Variants in HIKESHI observed in about 807,000 individuals in gnomAD.
The protein encoded by HIKESHI is protein Hikeshi.
In HIKESHI, 13 loss-of-function variants were observed where a neutral mutation model predicts 25.7. The observed-to-expected ratio is 0.51, with a 90% CI of 0.33 to 0.80. The LOEUF (loss-of-function observed/expected upper bound fraction) is 0.80. Ranked by LOEUF, HIKESHI falls within the 30% of genes least tolerant of loss-of-function variation. The pLI is 0.02. For synonymous variants in HIKESHI, 76 were observed against 78.7 expected (o/e 0.97, Z 0.18); for missense variants, 174 against 229.5 (o/e 0.76, Z 1.56).
rs1205684592 is a variant in HIKESHI at position 86,318,633 on chromosome 11, G to C, written c.268+12151G>C. 2.0e-5 allele frequency among the ~76,000 whole-genome samples: 3 copies of C among 151,918 alleles called. No homozygotes were observed. In the East Asian group the frequency reaches 5.8e-4, roughly 29 times the overall value. On this transcript the variant is annotated intron_variant, in intron 2 of 4. Transcript: ENST00000278483. ...ATCTAGTACCTTAAATAGTTACAAA[G>C]TAAATTGAAGTTATTTAAAAAATTT...
rs185850913 is a variant in HIKESHI at position 86,309,392 on chromosome 11, C to T, written c.268+2910C>T. On this transcript the variant is annotated intron_variant, in intron 2 of 4. Coordinates refer to ENST00000278483, the MANE Select transcript of HIKESHI (RefSeq NM_016401.4). ...CTTTTGAGAAGTGTGTGTTCATATC[C>T]GTTGTCCACTTTTTGATGGGGCTGT... is the stretch of plus-strand genomic sequence containing the variant. Among the ~76,000 whole-genome samples the T allele has an allele frequency of 1.8e-3, 276 of 152,220 alleles. 1 individual carries two copies. Among genetic ancestry groups the T allele is most frequent in the African/African-American group, 6.5e-3 (268 of 41,518 alleles).
chr11:86,337,727 G>A (rs560866469), intron 3 of HIKESHI, among the ~76,000 whole-genome samples, 197 bp downstream of exon 3: 29 of 152,126 alleles, frequency 1.9e-4, no homozygotes, highest in African/African-American at 6.3e-4. Context: ...GCGCAATCTC[G>A]GCTGACTGCA....
Position 86,302,289 on chromosome 11 carries a change from G to T in HIKESHI, c.-160G>T. ...GGAAGAGAAGGTCAGAGTTCGCGGG[G>T]GCAGAGGCATTCTTGCCGCTGGCCC... On this transcript the variant is annotated 5_prime_UTR_variant, in exon 1 of 5. Transcript: ENST00000278483. 1.3e-6 allele frequency: 1 copy of T among 797,776 alleles called. No individual in the cohort carries two copies. The highest frequency in any genetic ancestry group is 2.1e-6 in the Non-Finnish European group (1 of 480,990). The allele number at this position is 797,776 out of a possible 1,614,324, so 49.4% of individuals were successfully genotyped here.
chr11:86,320,724 A>G (rs930060799), intron 2 of HIKESHI, among the ~76,000 whole-genome samples: 1 of 152,246 alleles, frequency 6.6e-6, no homozygotes, highest in Non-Finnish European at 1.5e-5. Flanking sequence ...TGTCACCACA[A>G]TCAATGAATG....
intron 2 of HIKESHI, among the ~76,000 whole-genome samples, chr11:86,322,572 T>C (rs185810510): frequency 2.0e-5 from 3 of 152,294 alleles, no homozygotes; most frequent in Non-Finnish European, 4.4e-5. Context: ...TTTTGTTTTT[T>C]CCCATCCCCT....
rs1207051886 is a variant in HIKESHI at position 86,307,385 on chromosome 11, ATAT to A, written c.268+907_268+909del. ...TGTGTAATATACATTATATATCAATATATTATGTGTAATATACATTATATATCA... is the reference window on the plus strand; with the variant it reads ...TGTGTAATATACATTATATATCAATATATGTGTAATATACATTATATATCA... On this transcript the variant is annotated intron_variant, in intron 2 of 4. Transcript: ENST00000278483. Among the ~76,000 whole-genome samples the A allele has an allele frequency of 5.8e-4, 66 of 114,354 alleles. 1 individual carries two copies. Among genetic ancestry groups the A allele is most frequent in the African/African-American group, 2.4e-3 (65 of 26,598 alleles). The allele number at this position is 114,354 out of a possible 152,430, so 75.0% of individuals were successfully genotyped here.
At chr11:86,338,296 A>C (rs1329797989) in intron 3 of HIKESHI, among the ~76,000 whole-genome samples, 1 of 152,080 alleles carries the variant, frequency 6.6e-6, no homozygotes, top group Admixed American at 6.6e-5. Context: ...TCTGTTCCTG[A>C]CTTCTTAGCC....
At chr11:86,320,051 TTCTC>T (rs1182251610) in intron 2 of HIKESHI, among the ~76,000 whole-genome samples, 1 of 152,224 alleles carries the variant, frequency 6.6e-6, no homozygotes, top group African/African-American at 2.4e-5. Flanking sequence ...GCTTCATTCT[TTCTC>T]TTTATGTATG....
intron 4 of HIKESHI, chr11:86,345,248 C>A: frequency 2.1e-6 from 1 of 482,844 alleles, no homozygotes; most frequent in Non-Finnish European, 2.9e-6. Flanking sequence ...AAATTTCTCT[C>A]ATCTGCTCAT....
At chr11:86,332,828 A>C (rs1326294016) in intron 2 of HIKESHI, among the ~76,000 whole-genome samples, 2 of 152,252 alleles carry the variant, frequency 1.3e-5, no homozygotes, top group African/African-American at 2.4e-5. Context: ...CACGTCATAC[A>C]AAATAGGTTG....
chr11:86,310,052 C>A (rs1946791682), intron 2 of HIKESHI, among the ~76,000 whole-genome samples: 1 of 148,348 alleles, frequency 6.7e-6, no homozygotes, highest in South Asian at 2.2e-4. Flanking sequence ...AATGCAGGCT[C>A]TTTTTTGGTT....
intron 3 of HIKESHI, among the ~76,000 whole-genome samples, chr11:86,338,714 G>A (rs1367235492): frequency 6.6e-6 from 1 of 152,116 alleles, no homozygotes; most frequent in Non-Finnish European, 1.5e-5. Context: ...ACTGAATTGA[G>A]AATGACAGAC....
At chr11:86,326,503 C>T (rs1231048174) in intron 2 of HIKESHI, 1 of 456,022 alleles carries the variant, frequency 2.2e-6, no homozygotes, top group South Asian at 1.5e-5. Context: ...GTTGTGTTCT[C>T]ATTCATCAGG....
chr11:86,312,984 CTTAACA>C (rs1946873076), intron 2 of HIKESHI, among the ~76,000 whole-genome samples: 1 of 152,130 alleles, frequency 6.6e-6, no homozygotes, highest in African/African-American at 2.4e-5. Flanking sequence ...TCTGGCTGCC[CTTAACA>C]TTTTTTCCTT....
intron 2 of HIKESHI, among the ~76,000 whole-genome samples, chr11:86,328,285 G>GTC (rs1484028492): frequency 1.3e-5 from 2 of 151,438 alleles, no homozygotes; most frequent in Non-Finnish European, 1.5e-5. Context: ...TTGAGATGGA[G>GTC]TCTCACTTTG....
At chr11:86,315,774 A>G (rs1183333415) in intron 2 of HIKESHI, among the ~76,000 whole-genome samples, 1 of 152,144 alleles carries the variant, frequency 6.6e-6, no homozygotes. Context: ...GCAAGACACA[A>G]AGTTAGCACA....
At chr11:86,342,406 T>G (rs941776180) in intron 3 of HIKESHI, among the ~76,000 whole-genome samples, 1 of 152,068 alleles carries the variant, frequency 6.6e-6, no homozygotes, top group Admixed American at 6.6e-5. Flanking sequence ...CTTTTATGAT[T>G]TGTGGATTTG....
At chr11:86,316,830 G>T (rs908876361) in intron 2 of HIKESHI, among the ~76,000 whole-genome samples, 2 of 106,428 alleles carry the variant, frequency 1.9e-5, no homozygotes, top group Non-Finnish European at 1.8e-5. Flanking sequence ...GTCTCGCTCT[G>T]TTGCCCAGGC....
chr11:86,306,509 T>C (rs1467968657), intron 2 of HIKESHI, 27 bp downstream of exon 2: 1 of 1,375,888 alleles, frequency 7.3e-7, no homozygotes, highest in Admixed American at 2.0e-5. Flanking sequence ...AAAGTAGTTT[T>C]ATAATTAATC....
Sources: allele counts gnomAD v4.1 joint callset (sites outside exome capture counted in the v4.1 genomes callset), GRCh38; gene constraint gnomAD v4.1.1; transcripts MANE v1.5; gene names NCBI Gene and HGNC (gene_info 2026-07-23, HGNC 2026-07-21).